BCAS1: variants seen among roughly 807,000 people sequenced by gnomAD.
BCAS1 encodes brain enriched myelin associated protein 1.
A neutral mutation model predicts 65.4 loss-of-function variants in BCAS1; 46 were observed. The ratio of observed to expected loss-of-function variants is 0.70; its 90% CI spans 0.55 to 0.90. The LOEUF (loss-of-function observed/expected upper bound fraction) is 0.90, where lower values mean the gene tolerates loss of function less well. Ranked by LOEUF, BCAS1 falls within the 40% of genes least tolerant of loss-of-function variation. BCAS1 has a pLI of 0.00. For missense variants in BCAS1, 793 were observed against 771.2 expected, an observed-to-expected ratio of 1.03 and a Z score of -0.33; for synonymous variants, 298 against 293.5, an observed-to-expected ratio of 1.02 and a Z score of -0.16.
chr20:53,961,253 T>C (rs554814171), intron 10 of BCAS1, among the ~76,000 whole-genome samples: 39 of 152,248 alleles, frequency 2.6e-4, no homozygotes, highest in Non-Finnish European at 4.4e-4. Flanking sequence ...TGTATTTTGA[T>C]GGCAATATAA....
At chr20:54,011,480 A>G (rs979843432) in intron 4 of BCAS1, among the ~76,000 whole-genome samples, 9 of 124,878 alleles carry the variant, frequency 7.2e-5, no homozygotes, top group Admixed American at 5.2e-4. Flanking sequence ...GCAAATAAGC[A>G]CATAAAGATG....
chr20:53,998,291 G>A (rs1213118056), intron 4 of BCAS1, among the ~76,000 whole-genome samples: 4 of 152,008 alleles, frequency 2.6e-5, no homozygotes, highest in African/African-American at 7.3e-5. Context: ...CATTTTTTGC[G>A]TTGTTATAAA....
chr20:54,019,770 G>A (rs2091517550), intron 4 of BCAS1, among the ~76,000 whole-genome samples: 1 of 152,166 alleles, frequency 6.6e-6, no homozygotes, highest in South Asian at 2.1e-4. Flanking sequence ...CCTGCTCTTG[G>A]ACGTTAGACT....
chr20:53,952,383 A>G (rs1260571020), intron 12 of BCAS1, among the ~76,000 whole-genome samples: 1 of 152,238 alleles, frequency 6.6e-6, no homozygotes, highest in Non-Finnish European at 1.5e-5. Flanking sequence ...AAATAAGCAC[A>G]TCTAAAACAC....
At chr20:53,998,361 CAGCCTTTACAGGA>C (rs1428355659) in intron 4 of BCAS1, among the ~76,000 whole-genome samples, 2 of 152,212 alleles carry the variant, frequency 1.3e-5, no homozygotes, top group African/African-American at 4.8e-5. Flanking sequence ...CACAGTTCTG[CAGCCTTTACAGGA>C]AGCATGGGAC....
rs1298134413 is a variant in BCAS1, at chr20:54,014,220, GA to G, written c.723+14171del. On this transcript the variant is annotated intron_variant, in intron 4 of 12. Transcript: ENST00000688948. ...TATACGGAAACAGAAACATTCTCCAGAAAATACCTGGAAACTGTTTTTAAGC... is the reference window on the plus strand; with the variant it reads ...TATACGGAAACAGAAACATTCTCCAGAAATACCTGGAAACTGTTTTTAAGC... 3.9e-5 allele frequency among the ~76,000 whole-genome samples: 6 copies of G among 152,192 alleles called. No individual in the cohort carries two copies. The East Asian group carries it at 1.2e-3, about 29-fold the overall frequency.
At position 53,943,858 on chromosome 20, in the gene BCAS1, C is replaced by G. The variant is rs1198782550; in HGVS notation, c.*1064G>C. On this transcript the variant is annotated 3_prime_UTR_variant, in exon 13 of 13. Coordinates refer to ENST00000688948, the MANE Select transcript of BCAS1 (RefSeq NM_001366298.2). Reference sequence around the variant, plus strand: ...GAGAAACATTAATAATGTAAGATAGCAGAGACCAAATCTTTGTTAGGGATA... The same window carrying G: ...GAGAAACATTAATAATGTAAGATAGGAGAGACCAAATCTTTGTTAGGGATA... The G allele has an allele frequency of 2.0e-5, 3 of 152,150 alleles. No homozygotes were observed. Among genetic ancestry groups the G allele is most frequent in the African/African-American group, 7.2e-5 (3 of 41,408 alleles). The allele number at this position is 152,150 out of a possible 1,614,324, so 9.4% of individuals were successfully genotyped here.
In BCAS1 at chr20:54,044,067, T is replaced by C. The variant is rs144130918; in HGVS notation, c.142+14018A>G. ...AATGAAAATTGTTGGTAAGTTCTTT[T>C]TGGTGTGGTAAAAGGATATGAAAAG... On this transcript the variant is annotated intron_variant, in intron 3 of 12. Transcript: ENST00000688948. 9.2e-3 allele frequency among the ~76,000 whole-genome samples: 1,396 copies of C among 152,338 alleles called. 28 individuals carry two copies. The highest frequency in any genetic ancestry group is 0.031 in the African/African-American group (1,309 of 41,580).
chr20:53,980,225 C>A (rs2090442119), intron 8 of BCAS1, among the ~76,000 whole-genome samples: 1 of 152,098 alleles, frequency 6.6e-6, no homozygotes, highest in Non-Finnish European at 1.5e-5. Context: ...ACTAGTGAAC[C>A]CACCCAGCTT....
At chr20:54,046,857 A>T (rs1222974625) in intron 3 of BCAS1, among the ~76,000 whole-genome samples, 1 of 151,496 alleles carries the variant, frequency 6.6e-6, no homozygotes, top group African/African-American at 2.4e-5. Context: ...AAAAAAAAAA[A>T]AGAATTCAGG....
At chr20:53,950,577 G>T (rs920351242) in intron 12 of BCAS1, among the ~76,000 whole-genome samples, 4 of 152,086 alleles carry the variant, frequency 2.6e-5, no homozygotes, top group Non-Finnish European at 5.9e-5. Flanking sequence ...CTTTAATTTT[G>T]TAATTTTAAC....
intron 4 of BCAS1, among the ~76,000 whole-genome samples, chr20:54,021,300 A>C (rs980411791): frequency 6.6e-6 from 1 of 151,780 alleles, no homozygotes; most frequent in East Asian, 1.9e-4. Context: ...AATAGAGTCA[A>C]TATCACAATA....
chr20:53,982,356 A>G (rs187644082), intron 8 of BCAS1, among the ~76,000 whole-genome samples: 7 of 152,364 alleles, frequency 4.6e-5, no homozygotes, highest in African/African-American at 1.4e-4. Context: ...ACGTTTTTGG[A>G]AAGTACAACA....
Position 53,985,394 on chromosome 20 carries a change from G to A in BCAS1, c.1168C>T (p.Pro390Ser). The change falls in exon 8 of 13, where the codon CCA becomes TCA. Residue 390 changes from proline to serine, a missense_variant. Transcript: ENST00000688948. Reference protein sequence around the residue: ...GAGKNSKGCNPSGHTQSVTTP... With the variant: ...GAGKNSKGCNSSGHTQSVTTP... ...GTCACGGACTGTGTGTGCCCCGATG[G>A]GTTGCATCCTTTGGAATTCTTGCCA... 6.2e-7 allele frequency: 1 copy of A among 1,614,032 alleles called. No individual in the cohort carries two copies. The highest frequency in any genetic ancestry group is 2.2e-5 in the East Asian group (1 of 44,884).
At chr20:54,028,287 C>T (rs2091719922) in intron 4 of BCAS1, 105 bp downstream of exon 4, 3 of 1,187,274 alleles carry the variant, frequency 2.5e-6, no homozygotes, top group Non-Finnish European at 3.7e-6. Context: ...AACAGCTTGC[C>T]ACCTTGCCTA....
chr20:54,062,325 C>G (rs913512262), intron 1 of BCAS1, among the ~76,000 whole-genome samples: 4 of 152,172 alleles, frequency 2.6e-5, no homozygotes, highest in Non-Finnish European at 5.9e-5. Flanking sequence ...GCTTTATTTG[C>G]AGTAAAACTA....
rs1006909431 is a variant in BCAS1, at chr20:54,039,724, C to T, written c.143-10752G>A. On this transcript the variant is annotated intron_variant, in intron 3 of 12. Coordinates refer to ENST00000688948, the MANE Select transcript of BCAS1 (RefSeq NM_001366298.2). ...AATCTGATAATAATGTACATTTAAC[C>T]CGTGTTTACAACCAAAATAATTAAT... Among the ~76,000 whole-genome samples the T allele has an allele frequency of 3.3e-5, 5 of 151,122 alleles. 1 individual carries two copies. Among genetic ancestry groups the T allele is most frequent in the Non-Finnish European group, 7.4e-5 (5 of 67,580 alleles).
At chr20:53,975,334 A>G (rs750417530) in intron 9 of BCAS1, 55 bp downstream of exon 9, 56 of 1,544,124 alleles carry the variant, frequency 3.6e-5, no homozygotes, top group Non-Finnish European at 4.9e-5. Context: ...GCCCAATTGT[A>G]CAACATGGCG....
In BCAS1 at chr20:54,033,944, C is replaced by T. The variant is rs140113765; in HGVS notation, c.143-4972G>A. Among the ~76,000 whole-genome samples the T allele has an allele frequency of 7.3e-3, 1,102 of 151,258 alleles. 51 individuals are homozygous for T. The highest frequency in any genetic ancestry group is 0.044 in the South Asian group (211 of 4,782). ...CCAGCAGCACACCAAAAAGCTTATC[C>T]ACCATGATCAAGTAGAATGCAAGTT... On this transcript the variant is annotated intron_variant, in intron 3 of 12. Coordinates refer to ENST00000688948, the MANE Select transcript of BCAS1 (RefSeq NM_001366298.2).
Sources: allele counts gnomAD v4.1 joint callset (sites outside exome capture counted in the v4.1 genomes callset), GRCh38; gene constraint gnomAD v4.1.1; transcripts MANE v1.5; gene names NCBI Gene and HGNC (gene_info 2026-07-23, HGNC 2026-07-21).